Variants in NRXN3 observed in about 807,000 individuals in gnomAD.
NRXN3 encodes the protein neurexin III.
A neutral mutation model predicts 137.6 loss-of-function variants in NRXN3; 32 were observed. That is an observed-to-expected ratio of 0.23 (90% CI 0.18 to 0.31). The LOEUF (loss-of-function observed/expected upper bound fraction) is 0.31. NRXN3 is among the 10% of genes least tolerant of loss of function. The pLI is 1.00. For missense variants in NRXN3, 1,574 were observed against 2,062.5 expected (o/e 0.76, Z 4.59); for synonymous variants, 798 against 784.5 (o/e 1.02, Z -0.29).
At chr14:78,468,551 G>A (rs1161404882) in intron 4 of NRXN3, among the ~76,000 whole-genome samples, 1 of 152,098 alleles carries the variant, frequency 6.6e-6, no homozygotes, top group Non-Finnish European at 1.5e-5. Context: ...GTCTCTTTAG[G>A]CCTCATGTTA....
chr14:79,675,135 A>G (rs183053591), intron 17 of NRXN3, among the ~76,000 whole-genome samples: 34 of 152,192 alleles, frequency 2.2e-4, no homozygotes, highest in African/African-American at 8.2e-4. Flanking sequence ...TGGCAGAACC[A>G]ACATTTGGAT....
chr14:78,678,319 CTTT>C (rs398025853), intron 6 of NRXN3, among the ~76,000 whole-genome samples: 1 of 143,226 alleles, frequency 7.0e-6, no homozygotes. Flanking sequence ...ATGCTCCATA[CTTT>C]TTTTTTTTTT....
chr14:78,908,812 T>C (rs1044832108), intron 10 of NRXN3, among the ~76,000 whole-genome samples: 3 of 152,190 alleles, frequency 2.0e-5, no homozygotes, highest in South Asian at 4.1e-4. Flanking sequence ...GGTGAGATCA[T>C]TGATTCTTTA....
At chr14:78,692,808 C>CTGAACTTTTGTCA (rs1157250650) in intron 6 of NRXN3, among the ~76,000 whole-genome samples, 2 of 149,804 alleles carry the variant, frequency 1.3e-5, no homozygotes, top group Non-Finnish European at 1.5e-5. Flanking sequence ...AGGCCAGGCG[C>CTGAACTTTTGTCA]AGTGGCTCAC....
chr14:79,202,088 T>C (rs78187068), intron 15 of NRXN3, among the ~76,000 whole-genome samples: 1 of 151,360 alleles, frequency 6.6e-6, no homozygotes, highest in Non-Finnish European at 1.5e-5. Context: ...TTTTTTTTTT[T>C]CCTCAATCAA....
At chr14:79,269,043 C>CTTTATT (rs369435351) in intron 15 of NRXN3, among the ~76,000 whole-genome samples, 1 of 150,342 alleles carries the variant, frequency 6.7e-6, no homozygotes, top group East Asian at 2.0e-4. Flanking sequence ...TTTTATTTTT[C>CTTTATT]TTATTTTATT....
At chr14:79,031,279 G>A (rs1054833957) in intron 15 of NRXN3, among the ~76,000 whole-genome samples, 2 of 152,158 alleles carry the variant, frequency 1.3e-5, no homozygotes, top group Admixed American at 1.3e-4. Context: ...TAAATATTTA[G>A]CCTTTTGTTA....
chr14:79,767,686 A>G (rs1377429419), intron 19 of NRXN3, among the ~76,000 whole-genome samples: 1 of 152,232 alleles, frequency 6.6e-6, no homozygotes, highest in Non-Finnish European at 1.5e-5. Flanking sequence ...AATGGATAAC[A>G]CTGAGGAATA....
At chr14:79,252,110 T>A (rs1282749092) in intron 15 of NRXN3, among the ~76,000 whole-genome samples, 1 of 152,244 alleles carries the variant, frequency 6.6e-6, no homozygotes, top group Non-Finnish European at 1.5e-5. Context: ...GTTACTTTAG[T>A]TGACAGTTAA....
At chr14:79,302,943 C>A (rs892641185) in intron 15 of NRXN3, among the ~76,000 whole-genome samples, 2 of 151,884 alleles carry the variant, frequency 1.3e-5, no homozygotes, top group Non-Finnish European at 2.9e-5. Context: ...CCTCAGGATC[C>A]AAACACTTCC....
At chr14:79,679,086 G>T (rs2098655853) in intron 17 of NRXN3, among the ~76,000 whole-genome samples, 2 of 148,698 alleles carry the variant, frequency 1.3e-5, no homozygotes, top group Admixed American at 6.7e-5. Flanking sequence ...TTTATTATTA[G>T]GGTTGTCAGT....
chr14:78,772,418 A>T (rs760183608), intron 8 of NRXN3, among the ~76,000 whole-genome samples: 8 of 152,186 alleles, frequency 5.3e-5, no homozygotes, highest in Non-Finnish European at 1.2e-4. Context: ...TCCTCCTTGC[A>T]CTACTCACCA....
intron 19 of NRXN3, among the ~76,000 whole-genome samples, chr14:79,706,984 T>A (rs1164845397): frequency 1.3e-5 from 2 of 152,224 alleles, no homozygotes; most frequent in African/African-American, 4.8e-5. Context: ...GCCACCGGAC[T>A]TCGGGTACCC....
chr14:78,399,620 C>T (rs1413970911), intron 4 of NRXN3, among the ~76,000 whole-genome samples: 1 of 152,210 alleles, frequency 6.6e-6, no homozygotes, highest in Non-Finnish European at 1.5e-5. Flanking sequence ...CTACTCTGCT[C>T]TACCCTTCCA....
At chr14:79,777,074 A>C (rs1343163583) in intron 19 of NRXN3, among the ~76,000 whole-genome samples, 1 of 152,192 alleles carries the variant, frequency 6.6e-6, no homozygotes, top group African/African-American at 2.4e-5. Flanking sequence ...ACGAGAGAGT[A>C]ATCTTTGGAG....
chr14:79,190,949 A>G (rs571842457), intron 15 of NRXN3, among the ~76,000 whole-genome samples: 24 of 152,340 alleles, frequency 1.6e-4, no homozygotes, highest in African/African-American at 5.0e-4. Context: ...ACAATTCAGT[A>G]TGAATCAGAC....
At chr14:79,255,768 G>A (rs1378385747) in intron 15 of NRXN3, among the ~76,000 whole-genome samples, 1 of 152,204 alleles carries the variant, frequency 6.6e-6, no homozygotes, top group African/African-American at 2.4e-5. Context: ...AATGGTAATT[G>A]TGATCATTAT....
chr14:78,252,996 C>T (rs916825189), intron 2 of NRXN3, among the ~76,000 whole-genome samples: 6 of 140,046 alleles, frequency 4.3e-5, no homozygotes, highest in Admixed American at 1.3e-4. Flanking sequence ...TCTTTCCAGA[C>T]GGGGCCCTGT....
chr14:78,585,521 G>A (rs1041321911), intron 4 of NRXN3, among the ~76,000 whole-genome samples: 2 of 152,172 alleles, frequency 1.3e-5, no homozygotes, highest in Admixed American at 1.3e-4. Context: ...ACAAGGGAGG[G>A]TGGAGGGAGA....
Sources: allele counts gnomAD v4.1 joint callset (sites outside exome capture counted in the v4.1 genomes callset), GRCh38; gene constraint gnomAD v4.1.1; transcripts MANE v1.5; gene names NCBI Gene and HGNC (gene_info 2026-07-23, HGNC 2026-07-21).